TTLL11: variants seen among roughly 807,000 people sequenced by gnomAD.
TTLL11 encodes tubulin tyrosine ligase like 11, also known as tubulin polyglutamylase TTLL11.
In TTLL11, 42 loss-of-function variants were observed where a neutral mutation model predicts 51.7. That is an observed-to-expected ratio of 0.81 (90% CI 0.64 to 1.05). The LOEUF is 1.05. Among genes scored for constraint, TTLL11 ranks in the 50% least tolerant of loss-of-function variants. The probability of loss-of-function intolerance (pLI) is 0.00; values close to 1 mark genes in which losing one functional copy is unlikely to be tolerated. For missense variants in TTLL11, 799 were observed against 940.4 expected, an observed-to-expected ratio of 0.85 and a Z score of 1.97; for synonymous variants, 381 against 383.5, an observed-to-expected ratio of 0.99 and a Z score of 0.08.
At chr9:122,032,529 C>T (rs1342330008) in intron 2 of TTLL11, among the ~76,000 whole-genome samples, 2 of 151,824 alleles carry the variant, frequency 1.3e-5, no homozygotes, top group Non-Finnish European at 2.9e-5. Context: ...ATTGAAATGT[C>T]TCACTGTTAT....
chr9:121,938,133 C>T (rs1841300203), intron 6 of TTLL11, among the ~76,000 whole-genome samples: 1 of 151,946 alleles, frequency 6.6e-6, no homozygotes, highest in Admixed American at 6.6e-5. Flanking sequence ...ACTAAAAATA[C>T]AAAACATTAG....
intron 7 of TTLL11, among the ~76,000 whole-genome samples, chr9:121,864,528 A>G (rs1421454455): frequency 6.6e-6 from 1 of 152,204 alleles, no homozygotes; most frequent in African/African-American, 2.4e-5. Context: ...AACCTTGTGC[A>G]GGTCATGGAA....
chr9:122,051,267 T>C (rs1379813933), intron 1 of TTLL11, among the ~76,000 whole-genome samples: 1 of 152,228 alleles, frequency 6.6e-6, no homozygotes, highest in African/African-American at 2.4e-5. Context: ...CATGTTGGTT[T>C]ATCTCCAAAG....
At chr9:121,849,374 G>A (rs939634725) in intron 8 of TTLL11, among the ~76,000 whole-genome samples, 2 of 152,210 alleles carry the variant, frequency 1.3e-5, no homozygotes, top group Non-Finnish European at 2.9e-5. Flanking sequence ...AAGACCAAGA[G>A]CAAGATTCAT....
At chr9:122,067,647 C>T (rs998804884) in intron 1 of TTLL11, among the ~76,000 whole-genome samples, 21 of 152,094 alleles carry the variant, frequency 1.4e-4, no homozygotes, top group African/African-American at 5.1e-4. Flanking sequence ...GGACTACAGG[C>T]GCCCACTGCC....
chr9:122,027,215 C>T (rs1485508646), intron 3 of TTLL11, among the ~76,000 whole-genome samples: 2 of 152,170 alleles, frequency 1.3e-5, no homozygotes, highest in Non-Finnish European at 2.9e-5. Flanking sequence ...AACTCTATCA[C>T]TATGCAACAC....
At chr9:122,013,786 T>G (rs1217306560) in intron 3 of TTLL11, among the ~76,000 whole-genome samples, 2 of 152,204 alleles carry the variant, frequency 1.3e-5, no homozygotes, top group African/African-American at 4.8e-5. Flanking sequence ...CAGGCTACAC[T>G]GACCCCAGCA....
rs114368587 is a variant in TTLL11 at position 121,856,455 on chromosome 9, C to T, written c.1840+3882G>A. On this transcript the variant is annotated intron_variant, in intron 8 of 8. Coordinates refer to ENST00000321582, the MANE Select transcript of TTLL11 (RefSeq NM_001139442.2). ...CATCTGTTGAATGGGAATAACAATG[C>T]TTATCTCACAGGATGGTGTGAGAAG... Among the ~76,000 whole-genome samples the T allele has an allele frequency of 3.4e-3, 521 of 152,272 alleles. 8 individuals are homozygous for T. The highest frequency in any genetic ancestry group is 0.012 in the African/African-American group (493 of 41,546).
At chr9:121,841,002 G>A (rs7044454) in intron 8 of TTLL11, among the ~76,000 whole-genome samples, 9,024 of 152,222 alleles carry the variant, frequency 0.059, 737 homozygotes, top group African/African-American at 0.19. Flanking sequence ...TGACGGCTGG[G>A]GAGGTGTGCC....
At chr9:121,902,698 T>C (rs1374475899) in intron 6 of TTLL11, among the ~76,000 whole-genome samples, 1 of 152,126 alleles carries the variant, frequency 6.6e-6, no homozygotes, top group Non-Finnish European at 1.5e-5. Flanking sequence ...CCTCCATTTA[T>C]GTGTTTTTAG....
At chr9:121,843,454 G>A (rs1052917675) in intron 8 of TTLL11, among the ~76,000 whole-genome samples, 1 of 151,904 alleles carries the variant, frequency 6.6e-6, no homozygotes, top group Non-Finnish European at 1.5e-5. Context: ...TAACTAGGTT[G>A]AGTTAAAAAC....
chr9:121,962,509 T>G (rs1220757547), intron 6 of TTLL11, among the ~76,000 whole-genome samples: 1 of 152,222 alleles, frequency 6.6e-6, no homozygotes, highest in Non-Finnish European at 1.5e-5. Context: ...TCAAGAAGCT[T>G]GTCTTGACCA....
chr9:121,945,577 A>G (rs1588145045), intron 6 of TTLL11, among the ~76,000 whole-genome samples: 1 of 152,220 alleles, frequency 6.6e-6, no homozygotes, highest in African/African-American at 2.4e-5. Flanking sequence ...CTGGCATTCA[A>G]GGTCCTTTAT....
chr9:121,980,638 G>C (rs963538068), intron 4 of TTLL11, among the ~76,000 whole-genome samples: 1 of 152,166 alleles, frequency 6.6e-6, no homozygotes, highest in Non-Finnish European at 1.5e-5. Flanking sequence ...TCTACCATTT[G>C]ACCCAACCAT....
intron 8 of TTLL11, among the ~76,000 whole-genome samples, chr9:121,834,467 A>C (rs1178163421): frequency 7.3e-6 from 1 of 136,220 alleles, no homozygotes; most frequent in Non-Finnish European, 1.5e-5. Flanking sequence ...GGATAGTAAT[A>C]GCTGCCCTGA....
intron 6 of TTLL11, among the ~76,000 whole-genome samples, chr9:121,929,179 T>C (rs1429076681): frequency 6.6e-6 from 1 of 152,110 alleles, no homozygotes; most frequent in African/African-American, 2.4e-5. Context: ...CGGTGGCTTA[T>C]GCCTGTAATC....
At chr9:121,961,667 C>G (rs1842228318) in intron 6 of TTLL11, among the ~76,000 whole-genome samples, 1 of 152,186 alleles carries the variant, frequency 6.6e-6, no homozygotes, top group Admixed American at 6.5e-5. Context: ...ACTGAACATT[C>G]TCCAATAGGG....
chr9:121,982,291 C>T (rs1406251766), intron 4 of TTLL11, among the ~76,000 whole-genome samples: 1 of 152,190 alleles, frequency 6.6e-6, no homozygotes, highest in Non-Finnish European at 1.5e-5. Context: ...ATGTTTCTTT[C>T]ATGTACACAC....
At chr9:122,039,033 T>C (rs1375116371) in intron 2 of TTLL11, among the ~76,000 whole-genome samples, 1 of 152,190 alleles carries the variant, frequency 6.6e-6, no homozygotes, top group African/African-American at 2.4e-5. Context: ...ATTATATGCA[T>C]AACCCAAAAA....
Sources: gnomAD v4.1 joint callset for allele counts (sites outside exome capture counted in the v4.1 genomes callset) on GRCh38, gnomAD v4.1.1 for gene constraint, MANE v1.5 for transcripts, NCBI Gene and HGNC (gene_info 2026-07-23, HGNC 2026-07-21) for gene names.